KAZN: variants seen among roughly 807,000 people sequenced by gnomAD.
KAZN encodes kazrin.
In KAZN, 40 loss-of-function variants were observed where a neutral mutation model predicts 87.4. The observed-to-expected ratio is 0.46, with a 90% confidence interval of 0.36 to 0.60. KAZN has a LOEUF of 0.60. KAZN is among the 20% of genes least tolerant of loss of function. KAZN has a pLI of 0.00. For synonymous variants in KAZN, 466 were observed against 458.3 expected (o/e 1.02, Z -0.22); for missense variants, 898 against 1,073.9 (o/e 0.84, Z 2.29).
At chr1:14,040,458 G>A (rs912851819) in intron 1 of KAZN, among the ~76,000 whole-genome samples, 1 of 151,974 alleles carries the variant, frequency 6.6e-6, no homozygotes, top group African/African-American at 2.4e-5. Context: ...CTTTCCTAAG[G>A]GTCTTTAAGA....
intron 2 of KAZN, among the ~76,000 whole-genome samples, chr1:14,589,522 A>G (rs1676063185): frequency 1.3e-5 from 2 of 152,222 alleles, no homozygotes; most frequent in African/African-American, 4.8e-5. Flanking sequence ...CCTTCATGGC[A>G]CACTGACTTA....
intron 1 of KAZN, among the ~76,000 whole-genome samples, chr1:14,864,449 C>T (rs1651221443): frequency 6.6e-6 from 1 of 152,116 alleles, no homozygotes; most frequent in Admixed American, 6.6e-5. Context: ...GTAATTCCAG[C>T]TACTCGGGAG....
chr1:14,691,221 T>A (rs1486962638), intron 1 of KAZN, among the ~76,000 whole-genome samples: 1 of 152,190 alleles, frequency 6.6e-6, no homozygotes, highest in Non-Finnish European at 1.5e-5. Context: ...TGACTTTGCA[T>A]CTTATATTTA....
intron 1 of KAZN, among the ~76,000 whole-genome samples, chr1:14,762,425 G>A (rs566419844): frequency 5.6e-4 from 85 of 152,266 alleles, no homozygotes; most frequent in Non-Finnish European, 4.4e-4. Context: ...TGGCATGGTG[G>A]CATCAAGAAA....
At chr1:15,071,554 C>G (rs1467264263) in intron 8 of KAZN, among the ~76,000 whole-genome samples, 1 of 152,196 alleles carries the variant, frequency 6.6e-6, no homozygotes, top group African/African-American at 2.4e-5. Flanking sequence ...CGCACCCAGC[C>G]TGGGTATGGA....
At chr1:13,905,615 G>A (rs1310874979) in intron 1 of KAZN, among the ~76,000 whole-genome samples, 3 of 152,284 alleles carry the variant, frequency 2.0e-5, no homozygotes, top group Admixed American at 6.5e-5. Context: ...GGAAAGTATT[G>A]TAGTTCTAAT....
intron 1 of KAZN, among the ~76,000 whole-genome samples, chr1:14,644,515 C>T (rs1249553769): frequency 6.6e-6 from 1 of 151,938 alleles, no homozygotes; most frequent in African/African-American, 2.4e-5. Context: ...GCGCCTGCCA[C>T]CACACCCAGC....
chr1:14,928,063 A>G (rs6429684), intron 1 of KAZN, among the ~76,000 whole-genome samples: 54,774 of 151,938 alleles, frequency 0.36, 11,843 homozygotes, highest in African/African-American at 0.61. Context: ...AACTGCCCAA[A>G]GCCACACAGC....
intron 1 of KAZN, among the ~76,000 whole-genome samples, chr1:14,705,739 A>G (rs1323856108): frequency 6.6e-6 from 1 of 152,224 alleles, no homozygotes; most frequent in Non-Finnish European, 1.5e-5. Flanking sequence ...TTTATCTAAA[A>G]AAGTGAAACA....
At chr1:14,252,675 A>G (rs1216414603) in intron 2 of KAZN, among the ~76,000 whole-genome samples, 1 of 152,224 alleles carries the variant, frequency 6.6e-6, no homozygotes, top group Non-Finnish European at 1.5e-5. Flanking sequence ...GCTTAAACAA[A>G]TCTTTAGACA....
At chr1:14,020,939 T>C (rs984783357) in intron 1 of KAZN, among the ~76,000 whole-genome samples, 14 of 152,168 alleles carry the variant, frequency 9.2e-5, no homozygotes, top group Non-Finnish European at 1.9e-4. Context: ...CTTTTCAAAG[T>C]CTATAAATCA....
rs140069361 is a variant in KAZN, at chr1:14,908,333, G to C, written c.227-52351G>C. Among the ~76,000 whole-genome samples the C allele has an allele frequency of 4.3e-3, 651 of 152,056 alleles. 8 individuals are homozygous for C. Among genetic ancestry groups the C allele is most frequent in the Middle Eastern group, 0.014 (4 of 292 alleles). On this transcript the variant is annotated intron_variant, in intron 1 of 14. Transcript: ENST00000376030. Reference sequence around the variant, plus strand: ...AGGCAGGTGGATCATTTGAGGTCAGGAGTTCAAGATGAGCCTGGCCAACAT... The same window carrying C: ...AGGCAGGTGGATCATTTGAGGTCAGCAGTTCAAGATGAGCCTGGCCAACAT...
intron 2 of KAZN, among the ~76,000 whole-genome samples, chr1:14,196,038 C>A (rs1339781055): frequency 2.0e-5 from 3 of 152,084 alleles, no homozygotes; most frequent in Middle Eastern, 3.2e-3. Flanking sequence ...AGTGGATAAA[C>A]CAAGTGGATG....
intron 1 of KAZN, among the ~76,000 whole-genome samples, chr1:14,888,639 G>A (rs1276494230): frequency 1.3e-5 from 2 of 152,042 alleles, no homozygotes; most frequent in Non-Finnish European, 2.9e-5. Flanking sequence ...CACCCCCTCT[G>A]AGCCCTACCC....
At chr1:13,955,320 A>C (rs1557743825) in intron 1 of KAZN, among the ~76,000 whole-genome samples, 1 of 152,220 alleles carries the variant, frequency 6.6e-6, no homozygotes, top group Admixed American at 6.5e-5. Flanking sequence ...CTGAGTGTTA[A>C]TGATTATAAA....
At chr1:14,667,883 C>T (rs544578647) in intron 1 of KAZN, among the ~76,000 whole-genome samples, 2 of 151,996 alleles carry the variant, frequency 1.3e-5, no homozygotes, top group South Asian at 2.1e-4. Context: ...GTGATCAAAT[C>T]GCTCCTTGAA....
chr1:14,690,976 T>G (rs915628119), intron 1 of KAZN, among the ~76,000 whole-genome samples: 1 of 152,192 alleles, frequency 6.6e-6, no homozygotes, highest in Non-Finnish European at 1.5e-5. Context: ...CAAATGCATG[T>G]TTTCATACCT....
chr1:15,111,454 A>C (rs4661319), intron 13 of KAZN, among the ~76,000 whole-genome samples: 97,450 of 151,944 alleles, frequency 0.64, 31,315 homozygotes, highest in East Asian at 0.75. Context: ...TCTTTTTGTA[A>C]TTTTAGTAGA....
chr1:14,185,223 C>A (rs1485386483), intron 2 of KAZN, among the ~76,000 whole-genome samples: 1 of 152,118 alleles, frequency 6.6e-6, no homozygotes, highest in African/African-American at 2.4e-5. Flanking sequence ...AACTCTCTCC[C>A]TAGGTTCTCT....
Sources: allele counts gnomAD v4.1 joint callset (sites outside exome capture counted in the v4.1 genomes callset), GRCh38; gene constraint gnomAD v4.1.1; transcripts MANE v1.5; gene names NCBI Gene and HGNC (gene_info 2026-07-23, HGNC 2026-07-21).